The following TFAP2D variants were observed in gnomAD, a reference collection of about 807,000 sequenced individuals.
TFAP2D encodes transcription factor AP-2-delta.
Under a neutral mutation model 43.6 loss-of-function variants are expected in TFAP2D, and 9 were observed. That is an observed-to-expected ratio of 0.21 (90% CI 0.12 to 0.36). The LOEUF is 0.36. TFAP2D is among the 10% of genes least tolerant of loss of function. The pLI, the probability that TFAP2D is intolerant of heterozygous loss-of-function variation, is 1.00. For synonymous variants in TFAP2D, 256 were observed against 224.9 expected (o/e 1.14, Z -1.24); for missense variants, 513 against 561.4 (o/e 0.91, Z 0.87).
At chr6:50,767,146 T>G (rs1769457340) in intron 7 of TFAP2D, among the ~76,000 whole-genome samples, 1 of 152,220 alleles carries the variant, frequency 6.6e-6, no homozygotes, top group Non-Finnish European at 1.5e-5. Context: ...ACTTTTTCCT[T>G]TCTGATTTGG....
intron 7 of TFAP2D, among the ~76,000 whole-genome samples, chr6:50,770,413 A>ATT (rs113453093): frequency 4.0e-5 from 6 of 151,500 alleles, no homozygotes; most frequent in South Asian, 2.1e-4. Context: ...CAGAGATGGG[A>ATT]ATTTTTTTTT....
At chr6:50,765,691 A>G (rs186730336) in intron 7 of TFAP2D, among the ~76,000 whole-genome samples, 2 of 151,132 alleles carry the variant, frequency 1.3e-5, no homozygotes, top group African/African-American at 4.8e-5. Context: ...TCCTAAGCCC[A>G]TTTTTAATAT....
At chr6:50,741,631 T>C (rs527705894) in intron 5 of TFAP2D, among the ~76,000 whole-genome samples, 1 of 152,120 alleles carries the variant, frequency 6.6e-6, no homozygotes, top group South Asian at 2.1e-4. Flanking sequence ...AAATATGTAA[T>C]TATTGAAATG....
chr6:50,720,849 G>A (rs1442289509), intron 3 of TFAP2D, among the ~76,000 whole-genome samples: 19 of 152,264 alleles, frequency 1.2e-4, no homozygotes, highest in Non-Finnish European at 5.9e-5. Flanking sequence ...TCCCACAGCC[G>A]GCCTCTTGCT....
At chr6:50,757,777 AT>A (rs768893930) in intron 7 of TFAP2D, among the ~76,000 whole-genome samples, 1 of 108,006 alleles carries the variant, frequency 9.3e-6, no homozygotes, top group Non-Finnish European at 1.8e-5. Context: ...AATATATATA[AT>A]TATTCTATAT....
At chr6:50,751,985 T>G (rs1483625818) in intron 7 of TFAP2D, among the ~76,000 whole-genome samples, 1 of 151,996 alleles carries the variant, frequency 6.6e-6, no homozygotes, top group Non-Finnish European at 1.5e-5. Context: ...CTGAAATCTT[T>G]TAAATTGTTT....
intron 3 of TFAP2D, among the ~76,000 whole-genome samples, chr6:50,723,894 G>A (rs1768767863): frequency 6.6e-6 from 1 of 152,096 alleles, no homozygotes; most frequent in South Asian, 2.1e-4. Flanking sequence ...AAACCAGCGA[G>A]TCTCTTCACG....
chr6:50,744,867 T>C (rs1376990647), intron 5 of TFAP2D, among the ~76,000 whole-genome samples: 2 of 152,092 alleles, frequency 1.3e-5, no homozygotes, highest in Non-Finnish European at 2.9e-5. Context: ...TCTGTTTTTT[T>C]CCCCTCAATT....
At chr6:50,770,415 T>A (rs1769509929) in intron 7 of TFAP2D, among the ~76,000 whole-genome samples, 1 of 151,404 alleles carries the variant, frequency 6.6e-6, no homozygotes, top group Non-Finnish European at 1.5e-5. Context: ...GAGATGGGAA[T>A]TTTTTTTTCT....
At position 50,715,361 on chromosome 6, in the gene TFAP2D, C is replaced by T; in HGVS notation, c.285C>T (p.Leu95=). 1.9e-6 allele frequency: 3 copies of T among 1,614,164 alleles called. No homozygotes were observed. Among genetic ancestry groups the T allele is most frequent in the Non-Finnish European group, 1.7e-6 (2 of 1,180,040 alleles). Reference sequence around the variant, plus strand: ...CCGACGCCTACTCTCTGAACTCTCTCCACCACTCGCAACAGTACTACCAGC... The same window carrying T: ...CCGACGCCTACTCTCTGAACTCTCTTCACCACTCGCAACAGTACTACCAGC... The part of the protein sequence containing the change: ...VTPDAYSLNS[L]HHSQQYYQQI... Residue 95 remains leucine (L), a synonymous_variant, in exon 2 of 8, where the codon CTC becomes CTT. Transcript: ENST00000008391.
intron 5 of TFAP2D, among the ~76,000 whole-genome samples, chr6:50,741,779 A>AAAGAAC (rs1267158366): frequency 2.6e-5 from 4 of 151,950 alleles, no homozygotes; most frequent in African/African-American, 4.8e-5. Flanking sequence ...AAAAAAAAAA[A>AAAGAAC]AAGAACAAGA....
At chr6:50,718,561 C>G (rs1457789957) in intron 2 of TFAP2D, among the ~76,000 whole-genome samples, 1 of 152,120 alleles carries the variant, frequency 6.6e-6, no homozygotes, top group African/African-American at 2.4e-5. Flanking sequence ...AGTGAGTGAA[C>G]CTGAAGATTT....
chr6:50,734,695 C>T (rs900661977), intron 5 of TFAP2D, among the ~76,000 whole-genome samples: 10 of 152,052 alleles, frequency 6.6e-5, no homozygotes, highest in Admixed American at 2.0e-4. Context: ...GAACTAATCA[C>T]GTGACCACAC....
chr6:50,713,868 A>C lies in TFAP2D; in HGVS notation c.-188A>C, dbSNP rs1768568251. On this transcript the variant is annotated 5_prime_UTR_variant, in exon 1 of 8. Coordinates refer to ENST00000008391, the MANE Select transcript of TFAP2D (RefSeq NM_172238.4). ...TGCAGAGGGAAAATTTTGTTCCTAC[A>C]GGTTTTTAAGTGGGTACGAGGCAAG... 1.3e-6 allele frequency: 1 copy of C among 798,386 alleles called. No homozygotes were observed. The highest frequency in any genetic ancestry group is 2.0e-6 in the Non-Finnish European group (1 of 510,520). The allele number at this position is 798,386 out of a possible 1,614,324, so 49.5% of individuals were successfully genotyped here. A position where few individuals can be genotyped will look rare whatever the true frequency, so the allele number is the denominator to read the frequency against.
At chr6:50,752,029 A>C (rs554877695) in intron 7 of TFAP2D, among the ~76,000 whole-genome samples, 1 of 151,930 alleles carries the variant, frequency 6.6e-6, no homozygotes, top group Non-Finnish European at 1.5e-5. Context: ...TAATGGAAAG[A>C]TGCCGTGACA....
At chr6:50,761,719 T>A (rs1769366843) in intron 7 of TFAP2D, among the ~76,000 whole-genome samples, 1 of 152,100 alleles carries the variant, frequency 6.6e-6, no homozygotes, top group Admixed American at 6.6e-5. Context: ...ACAATTAGAA[T>A]AATATGGACA....
At chr6:50,729,425 A>T in intron 5 of TFAP2D, 113 bp downstream of exon 5, 1 of 811,354 alleles carries the variant, frequency 1.2e-6, no homozygotes, top group Non-Finnish European at 2.0e-6. Context: ...CAAGTCAGTT[A>T]ACAGTTAAGG....
At chr6:50,740,760 A>C (rs913409856) in intron 5 of TFAP2D, among the ~76,000 whole-genome samples, 3 of 152,164 alleles carry the variant, frequency 2.0e-5, no homozygotes, top group Non-Finnish European at 4.4e-5. Flanking sequence ...ATTCTTAATG[A>C]CTGTATAACA....
intron 7 of TFAP2D, among the ~76,000 whole-genome samples, chr6:50,757,673 C>CTA (rs1293676640): frequency 1.8e-5 from 1 of 57,104 alleles, no homozygotes; most frequent in Non-Finnish European, 3.0e-5. Context: ...TATAATTATT[C>CTA]TATATATATA....
Sources: gnomAD v4.1 joint callset for allele counts (sites outside exome capture counted in the v4.1 genomes callset) on GRCh38, gnomAD v4.1.1 for gene constraint, MANE v1.5 for transcripts, NCBI Gene and HGNC (gene_info 2026-07-23, HGNC 2026-07-21) for gene names.